The following IGSF8 variants were observed in gnomAD, a reference collection of about 807,000 sequenced individuals.
IGSF8 encodes CD81 partner 3.
Under a neutral mutation model 55.5 loss-of-function variants are expected in IGSF8, and 46 were observed. The observed-to-expected ratio is 0.83, with a 90% confidence interval of 0.65 to 1.06. The LOEUF (loss-of-function observed/expected upper bound fraction) is 1.06. IGSF8 is among the 50% of genes least tolerant of loss of function. The pLI, the probability that IGSF8 is intolerant of heterozygous loss-of-function variation, is 0.00. For synonymous variants in IGSF8, 314 were observed against 356.1 expected (o/e 0.88, Z 1.33); for missense variants, 731 against 832.3 (o/e 0.88, Z 1.50).
chr1:160,095,375 G>T, intron 1 of IGSF8, 129 bp from the exon 2 acceptor site: 1 of 942,448 alleles, frequency 1.1e-6, no homozygotes, highest in Non-Finnish European at 1.5e-6. Context: ...TCCACAGCTT[G>T]GACCCTGTTC....
At chr1:160,096,638 G>C (rs1304363499) in intron 1 of IGSF8, among the ~76,000 whole-genome samples, 1 of 152,196 alleles carries the variant, frequency 6.6e-6, no homozygotes, top group South Asian at 2.1e-4. Flanking sequence ...GAGAACTCAT[G>C]GTCTGTTGTT....
Position 160,091,957 on chromosome 1 carries a change from CT to C in IGSF8, c.1727-20del. On this transcript the variant is annotated intron_variant, in intron 5 of 6. Transcript: ENST00000314485. ...TCCAGGGCTGGGGGAGAGAGGATGA[CT>C]GTTCAGAGAGGATGCCATCATCCTC... The C allele has an allele frequency of 6.6e-7, 1 of 1,517,070 alleles. No individual in the cohort carries two copies. The highest frequency in any genetic ancestry group is 9.2e-7 in the Non-Finnish European group (1 of 1,091,660). The allele number at this position is 1,517,070 out of a possible 1,614,324, so 94.0% of individuals were successfully genotyped here. A position where few individuals can be genotyped will look rare whatever the true frequency, so the allele number is the denominator to read the frequency against.
chr1:160,093,960 T>G lies in IGSF8; in HGVS notation c.654A>C (p.Glu218Asp). ...CCAAGTCTGACCGGATTCCCACCACTTCCTGCAGAGTTGACCGCCCAACTG... is the reference window on the plus strand; with the variant it reads ...CCAAGTCTGACCGGATTCCCACCACGTCCTGCAGAGTTGACCGCCCAACTG... ...EAPVGRSTLQ[E>D]VVGIRSDLAV... Residue 218 changes from glutamate (E) to aspartate (D), a missense_variant, in exon 3 of 7, where the codon GAA becomes GAC. Glu to Asp is a conservative substitution (Grantham distance 45). Coordinates refer to ENST00000314485, the MANE Select transcript of IGSF8 (RefSeq NM_052868.6). The G allele has an allele frequency of 6.2e-7, 1 of 1,614,258 alleles. No homozygotes were observed. The highest frequency in any genetic ancestry group is 8.5e-7 in the Non-Finnish European group (1 of 1,180,040).
rs781527270 is a variant in IGSF8 at position 160,094,137 on chromosome 1, G to C, written c.477C>G (p.Pro159=). The C allele has an allele frequency of 6.2e-7, 1 of 1,604,412 alleles. No individual in the cohort carries two copies. The highest frequency in any genetic ancestry group is 1.7e-5 in the Admixed American group (1 of 59,880). The change falls in exon 3 of 7, where the codon CCC becomes CCG. Residue 159 remains proline (P), a synonymous_variant. Transcript: ENST00000314485. The surrounding 1 kb of genome is among the most constrained non-coding windows in gnomAD (Gnocchi z 4.0). The part of the protein sequence containing the change: ...LPDVLQVSAA[P]PGPRGRQAPT... ...GGGCCTGGCGGCCTCGGGGCCCTGG[G>C]GGGGCAGCAGACACCTGGAGGACAT...
intron 3 of IGSF8, 102 bp downstream of exon 3, chr1:160,093,608 T>C: frequency 4.1e-6 from 4 of 986,152 alleles, no homozygotes; most frequent in Non-Finnish European, 5.9e-6. Flanking sequence ...GATGAGTTCC[T>C]TGGAGTCAGA....
chr1:160,094,948 A>T lies in IGSF8; in HGVS notation c.363T>A (p.Asp121Glu). Residue 121 changes from aspartate (D) to glutamate (E), a missense_variant, in exon 2 of 7, where the codon GAT becomes GAA. Asp to Glu is a conservative substitution (Grantham distance 45, BLOSUM62 2). Coordinates refer to ENST00000314485, the MANE Select transcript of IGSF8 (RefSeq NM_052868.6). This position sits in a 1 kb window ranked among gnomAD's most constrained non-coding sequence, Gnocchi z 4.0. ...GGGTGTGGCACTCATAAATGCCGGC[A>T]TCCTGGGCCTGCAGGCGGGCAATCT... Reference protein sequence around the residue: ...VLKIARLQAQDAGIYECHTPS... With the variant: ...VLKIARLQAQEAGIYECHTPS... The T allele has an allele frequency of 6.2e-7, 1 of 1,614,104 alleles. No homozygotes were observed. Among genetic ancestry groups the T allele is most frequent in the East Asian group, 2.2e-5 (1 of 44,886 alleles).
rs779360874 is a variant in IGSF8 at position 160,091,904 on chromosome 1, A to G, written c.1761T>C (p.Gly587=). ...LDTLFVPLLV[G]TGVALVTGAT... is the part of the protein sequence containing the mutation. Reference sequence around the variant, plus strand: ...CACCAGTGACTAGGGCCACCCCTGTACCCACCAGCAGAGGCACAAATAGGG... The same window carrying G: ...CACCAGTGACTAGGGCCACCCCTGTGCCCACCAGCAGAGGCACAAATAGGG... The change falls in exon 6 of 7, where the codon GGT becomes GGC. Residue 587 remains glycine, a synonymous_variant. Coordinates refer to ENST00000314485, the MANE Select transcript of IGSF8 (RefSeq NM_052868.6). The G allele has an allele frequency of 6.2e-7, 1 of 1,613,908 alleles. No individual in the cohort carries two copies. Among genetic ancestry groups the G allele is most frequent in the Non-Finnish European group, 8.5e-7 (1 of 1,179,848 alleles).
rs1342414090 is a variant in IGSF8, at chr1:160,098,322, T to C, written c.64+87A>G. On this transcript the variant is annotated intron_variant, in intron 1 of 6. Transcript: ENST00000314485. ...TGGAGGTACCCCTGACGGAGGAGGA[T>C]GTGAGGAGCCCCGAAATGCTAGGGG... 1.6e-5 allele frequency: 24 copies of C among 1,502,454 alleles called. No individual in the cohort carries two copies. The East Asian group carries it at 5.8e-4, about 37-fold the overall frequency. The allele number at this position is 1,502,454 out of a possible 1,614,324, so 93.1% of individuals were successfully genotyped here.
At chr1:160,098,661 G>C (rs900460114), upstream of IGSF8, 1 of 545,630 alleles carries the variant, frequency 1.8e-6, no homozygotes, top group Non-Finnish European at 3.2e-6. Flanking sequence ...TCCAGCCCTC[G>C]GCAGTTCTGA....
In IGSF8 at chr1:160,093,344, T is replaced by C. The variant is rs750813874; in HGVS notation, c.905-13A>G. On this transcript the variant is annotated splice_polypyrimidine_tract_variant and intron_variant, in intron 3 of 6. Coordinates refer to ENST00000314485, the MANE Select transcript of IGSF8 (RefSeq NM_052868.6). ...GCCAGCTGGCTGGCTGAAACACAGGTAGGGGAAGAGGTGTCATGGAGGCAG... is the reference window on the plus strand; with the variant it reads ...GCCAGCTGGCTGGCTGAAACACAGGCAGGGGAAGAGGTGTCATGGAGGCAG... 6.4e-7 allele frequency: 1 copy of C among 1,571,744 alleles called. No homozygotes were observed. The highest frequency in any genetic ancestry group is 8.7e-7 in the Non-Finnish European group (1 of 1,151,526).
In IGSF8 at chr1:160,091,602, G is replaced by C. The variant is rs947053419; in HGVS notation, c.*22C>G. 2.0e-5 allele frequency: 11 copies of C among 555,702 alleles called. No individual in the cohort carries two copies. Among genetic ancestry groups the C allele is most frequent in the African/African-American group, 1.5e-4 (8 of 52,500 alleles). 34.4% of individuals were successfully genotyped at this position (555,702 alleles called of 1,614,324 possible). On this transcript the variant is annotated 3_prime_UTR_variant, in exon 7 of 7. Transcript: ENST00000314485. ...CTGGGCCGGAAGACAGTCGACACCT[G>C]CAAGACCTGAAAAGGGTGCCCGGTG...
chr1:160,098,687 G>A (rs1650629811), upstream of IGSF8: 1 of 462,048 alleles, frequency 2.2e-6, no homozygotes. Context: ...TTCTCGCCCC[G>A]GCCCGCCCCG....
At chr1:160,096,288 T>C (rs1570964789) in intron 1 of IGSF8, among the ~76,000 whole-genome samples, 1 of 151,970 alleles carries the variant, frequency 6.6e-6, no homozygotes, top group East Asian at 1.9e-4. Flanking sequence ...CTCTCCCAAT[T>C]TTACAGATGA....
Position 160,094,159 on chromosome 1 carries a change from A to T in IGSF8, c.455T>A (p.Val152Asp), listed in dbSNP as rs771004387. 6.3e-7 allele frequency: 1 copy of T among 1,597,748 alleles called. No individual in the cohort carries two copies. Among genetic ancestry groups the T allele is most frequent in the South Asian group, 1.1e-5 (1 of 90,526 alleles). The change falls in exon 3 of 7, where the codon GTC (valine) becomes GAC (aspartate). Residue 152 changes from valine (V) to aspartate (D), a missense_variant. By Grantham distance (152) the Val-to-Asp change is radical. Transcript: ENST00000314485. This position sits in a 1 kb window ranked among gnomAD's most constrained non-coding sequence, Gnocchi z 4.0. ...TGGGGGGGCAGCAGACACCTGGAGG[A>T]CATCTGGAAGAACTGGAGAGAACAG... ...GKVELRVLPD[V>D]LQVSAAPPGP... is the part of the protein sequence containing the mutation.
chr1:160,092,832 C>T, intron 4 of IGSF8, 92 bp downstream of exon 4: 1 of 1,497,934 alleles, frequency 6.7e-7, no homozygotes. Flanking sequence ...CTGTGGCCTG[C>T]AAACAGCTGA....
Position 160,093,864 on chromosome 1 carries a change from G to A in IGSF8, c.750C>T (p.Thr250=), listed in dbSNP as rs140220684. 7.2e-5 allele frequency: 116 copies of A among 1,614,066 alleles called. No homozygotes were observed. The highest frequency in any genetic ancestry group is 4.0e-4 in the East Asian group (18 of 44,900). Residue 250 remains threonine, a synonymous_variant, in exon 3 of 7, where the codon ACC becomes ACT. Coordinates refer to ENST00000314485, the MANE Select transcript of IGSF8 (RefSeq NM_052868.6). The part of the protein sequence containing the change: ...AGELRLGKEG[T]DRYRMVVGGA... ...CCCCTACTACCATGCGGTACCGATC[G>A]GTCCCTTCCTTGCCCAGACGAAGCT...
At chr1:160,098,284 A>C in intron 1 of IGSF8, 125 bp downstream of exon 1, 13 of 1,361,284 alleles carry the variant, frequency 9.5e-6, no homozygotes, top group African/African-American at 1.5e-5. Flanking sequence ...CTGGACGCCG[A>C]CCCCGGGGAG....
chr1:160,098,646 T>C, upstream of IGSF8: 1 of 556,518 alleles, frequency 1.8e-6, no homozygotes, highest in South Asian at 2.2e-5. Context: ...TCCCGCTGCT[T>C]TCCCTCCAGC....
chr1:160,098,638 C>T (rs564996966), upstream of IGSF8: 4 of 557,782 alleles, frequency 7.2e-6, no homozygotes, highest in South Asian at 4.4e-5. Flanking sequence ...TCCGCCCCTC[C>T]CGCTGCTTTC....
Sources: gnomAD v4.1 joint callset for allele counts (sites outside exome capture counted in the v4.1 genomes callset) on GRCh38, gnomAD v4.1.1 for gene constraint, Gnocchi (gnomAD v3.1) non-coding constraint, MANE v1.5 for transcripts, NCBI Gene and HGNC (gene_info 2026-07-23, HGNC 2026-07-21) for gene names.